The following SNX4 variants were observed in gnomAD, a reference collection of about 807,000 sequenced individuals.
SNX4 encodes the protein sorting nexin-4.
Under a neutral mutation model 70.8 loss-of-function variants are expected in SNX4, and 49 were observed. The ratio of observed to expected loss-of-function variants is 0.69; its 90% CI spans 0.55 to 0.88. SNX4 has a LOEUF of 0.88. Ranked by LOEUF, SNX4 falls within the 40% of genes least tolerant of loss-of-function variation. The probability of loss-of-function intolerance (pLI) is 0.00; values close to 1 mark genes in which losing one functional copy is unlikely to be tolerated. For missense variants in SNX4, 528 were observed against 544.8 expected (o/e 0.97, Z 0.31); for synonymous variants, 206 against 183.8 (o/e 1.12, Z -0.98).
At chr3:125,519,974 G>GC in intron 1 of SNX4, 58 bp downstream of exon 1, 3 of 878,292 alleles carry the variant, frequency 3.4e-6, no homozygotes, top group Non-Finnish European at 4.8e-6. Context: ...GCCCAGCCCA[G>GC]CCCGGCCCGC....
chr3:125,465,548 C>G (rs1415012300), intron 9 of SNX4, among the ~76,000 whole-genome samples: 1 of 152,022 alleles, frequency 6.6e-6, no homozygotes, highest in African/African-American at 2.4e-5. Flanking sequence ...TGTGCCCGGC[C>G]TAGTAAATCT....
chr3:125,498,883 A>G (rs936370142), intron 2 of SNX4, among the ~76,000 whole-genome samples: 1 of 152,252 alleles, frequency 6.6e-6, no homozygotes, highest in African/African-American at 2.4e-5. Context: ...TTAAATAAAA[A>G]GCATTTTTAA....
At chr3:125,462,353 G>GT (rs1193532341) in intron 9 of SNX4, among the ~76,000 whole-genome samples, 1 of 152,092 alleles carries the variant, frequency 6.6e-6, no homozygotes, top group Non-Finnish European at 1.5e-5. Flanking sequence ...TGGAAAAGCT[G>GT]TAACTGGAGA....
intron 12 of SNX4, among the ~76,000 whole-genome samples, chr3:125,452,951 T>C (rs975599681): frequency 3.9e-5 from 6 of 152,276 alleles, no homozygotes; most frequent in African/African-American, 1.2e-4. Flanking sequence ...CTTTGCCATA[T>C]TTGGTGCTAG....
At chr3:125,515,495 C>T (rs989409563) in intron 1 of SNX4, among the ~76,000 whole-genome samples, 2 of 150,404 alleles carry the variant, frequency 1.3e-5, no homozygotes, top group African/African-American at 4.9e-5. Context: ...GATCTTGTCT[C>T]TACAAAAAAA....
At chr3:125,482,839 A>C (rs149345113) in intron 6 of SNX4, among the ~76,000 whole-genome samples, 1 of 152,232 alleles carries the variant, frequency 6.6e-6, no homozygotes, top group East Asian at 1.9e-4. Flanking sequence ...CAGCAAGGAA[A>C]ATAATTTAGG....
At chr3:125,495,277 T>TATATATATATACATACATACAC in intron 5 of SNX4, among the ~76,000 whole-genome samples, 1 of 99,618 alleles carries the variant, frequency 1.0e-5, no homozygotes, top group Non-Finnish European at 2.0e-5. Context: ...TATATATATA[T>TATATATATATACATACATACAC]ACACATACAC....
intron 9 of SNX4, among the ~76,000 whole-genome samples, chr3:125,468,457 T>TTGGGA (rs148757985): frequency 0.19 from 28,953 of 151,980 alleles, 2,720 homozygotes; most frequent in Admixed American, 0.24. Flanking sequence ...TCCCAGCACT[T>TTGGGA]TGGGAGGTTG....
At chr3:125,468,851 TAAAAAAAAAA>T in intron 9 of SNX4, among the ~76,000 whole-genome samples, 1 of 134,038 alleles carries the variant, frequency 7.5e-6, no homozygotes, top group East Asian at 2.1e-4. Flanking sequence ...CTAGTCTCTT[TAAAAAAAAAA>T]AAAAAAAAAA....
intron 5 of SNX4, among the ~76,000 whole-genome samples, chr3:125,492,517 G>A (rs1934685111): frequency 6.6e-6 from 1 of 151,758 alleles, no homozygotes; most frequent in South Asian, 2.1e-4. Flanking sequence ...CCTCTCTAAA[G>A]GGGTCCCATT....
chr3:125,469,569 A>G, intron 8 of SNX4, 50 bp from the exon 9 acceptor site: 1 of 1,183,866 alleles, frequency 8.4e-7, no homozygotes. Flanking sequence ...GAGATATGGA[A>G]TAGTATTAAA....
intron 7 of SNX4, among the ~76,000 whole-genome samples, chr3:125,477,789 A>G (rs1934319582): frequency 6.6e-6 from 1 of 152,168 alleles, no homozygotes. Context: ...AACACACTAC[A>G]GGTCTGCCAC....
intron 1 of SNX4, among the ~76,000 whole-genome samples, chr3:125,514,698 A>G (rs907313314): frequency 1.3e-5 from 2 of 151,304 alleles, no homozygotes; most frequent in African/African-American, 4.9e-5. Context: ...GGCCTCCAAA[A>G]CTTTTTTTGA....
intron 9 of SNX4, among the ~76,000 whole-genome samples, chr3:125,469,010 T>C (rs1369734105): frequency 1.3e-5 from 2 of 152,180 alleles, no homozygotes; most frequent in East Asian, 1.9e-4. Context: ...CCATATTGAG[T>C]AGGACCTCCA....
At chr3:125,449,710 G>A (rs992814029) in intron 13 of SNX4, among the ~76,000 whole-genome samples, 1 of 150,830 alleles carries the variant, frequency 6.6e-6, no homozygotes, top group Non-Finnish European at 1.5e-5. Context: ...TACAGCTATA[G>A]TAGTATCTTT....
chr3:125,452,762 C>T (rs376431655), intron 12 of SNX4, among the ~76,000 whole-genome samples: 2 of 152,004 alleles, frequency 1.3e-5, no homozygotes, highest in African/African-American at 4.8e-5. Context: ...GGACTGTAGG[C>T]GCCTGCCACC....
chr3:125,514,522 G>C, intron 1 of SNX4, among the ~76,000 whole-genome samples: 1 of 151,786 alleles, frequency 6.6e-6, no homozygotes, highest in Admixed American at 6.6e-5. Flanking sequence ...CTCCCAAGTA[G>C]CTAGGATTAC....
At chr3:125,493,509 C>G (rs983908848) in intron 5 of SNX4, among the ~76,000 whole-genome samples, 1 of 149,154 alleles carries the variant, frequency 6.7e-6, no homozygotes, top group African/African-American at 2.5e-5. Context: ...GAAAAATTAC[C>G]CGGGCATGGT....
intron 6 of SNX4, among the ~76,000 whole-genome samples, chr3:125,488,321 G>A (rs7621844): frequency 0.21 from 32,433 of 151,324 alleles, 4,146 homozygotes; most frequent in African/African-American, 0.36. Flanking sequence ...ACTAAAATAC[G>A]AAAATTAACT....
Sources: gnomAD v4.1 joint callset for allele counts (sites outside exome capture counted in the v4.1 genomes callset) on GRCh38, gnomAD v4.1.1 for gene constraint, MANE v1.5 for transcripts, NCBI Gene and HGNC (gene_info 2026-07-23, HGNC 2026-07-21) for gene names.